The following GPHN variants were observed in gnomAD, a reference collection of about 807,000 sequenced individuals.
The protein encoded by GPHN is gephyrin.
In GPHN, 17 loss-of-function variants were observed where a neutral mutation model predicts 95.5. The ratio of observed to expected loss-of-function variants is 0.18; its 90% CI spans 0.12 to 0.27. The LOEUF is 0.27. GPHN is among the 10% of genes least tolerant of loss of function. The probability of loss-of-function intolerance (pLI) is 1.00; values close to 1 mark genes in which losing one functional copy is unlikely to be tolerated. For synonymous variants in GPHN, 320 were observed against 322.5 expected, an observed-to-expected ratio of 0.99 and a Z score of 0.08; for missense variants, 660 against 978.1, an observed-to-expected ratio of 0.67 and a Z score of 4.34.
the GPHN span, chr14:67,581,059 G>A: frequency 6.6e-7 from 1 of 1,511,430 alleles, no homozygotes; most frequent in South Asian, 1.1e-5. Flanking sequence ...CTGCACGAGG[G>A]TGGGGCCAAA....
intron 4 of GPHN, among the ~76,000 whole-genome samples, chr14:66,869,006 A>T (rs550620491): frequency 6.6e-6 from 1 of 152,222 alleles, no homozygotes; most frequent in Non-Finnish European, 1.5e-5. Context: ...AGAATAGCTA[A>T]GTCCAATTAA....
chr14:67,684,162 C>G, the GPHN span, among the ~76,000 whole-genome samples: 1 of 152,196 alleles, frequency 6.6e-6, no homozygotes, highest in Admixed American at 6.5e-5. Flanking sequence ...TCTACTGAAA[C>G]AACTCTGGGG....
Position 66,521,804 on chromosome 14 carries a change from C to T in GPHN, c.64+13213C>T, listed in dbSNP as rs549112079. 1.2e-4 allele frequency among the ~76,000 whole-genome samples: 18 copies of T among 152,136 alleles called. No homozygotes were observed. In the South Asian group the frequency reaches 3.3e-3, roughly 28 times the overall value. ...CTGGTTTCAACATTTTGGAGGGGGA[C>T]GCACACATTCAGACCACAGCAGAGG... On this transcript the variant is annotated intron_variant, in intron 1 of 22. Coordinates refer to ENST00000478722, the MANE Select transcript of GPHN (RefSeq NM_020806.5).
At chr14:66,886,909 A>G (rs1228974658) in intron 5 of GPHN, among the ~76,000 whole-genome samples, 1 of 152,194 alleles carries the variant, frequency 6.6e-6, no homozygotes, top group Admixed American at 6.5e-5. Flanking sequence ...TTCAGTGCAG[A>G]CAACTATGAG....
At chr14:67,452,914 C>T in the GPHN span, among the ~76,000 whole-genome samples, 4 of 152,190 alleles carry the variant, frequency 2.6e-5, no homozygotes, top group Admixed American at 6.5e-5. Context: ...GATCCTGAAA[C>T]CTGAGCTTTT....
At chr14:66,841,887 A>G (rs1247082986) in intron 4 of GPHN, among the ~76,000 whole-genome samples, 1 of 152,004 alleles carries the variant, frequency 6.6e-6, no homozygotes, top group Non-Finnish European at 1.5e-5. Context: ...GTAAAAAAGA[A>G]AAGAAAAGAA....
chr14:67,694,127 T>C, the GPHN span, among the ~76,000 whole-genome samples: 2 of 152,178 alleles, frequency 1.3e-5, no homozygotes, highest in Non-Finnish European at 2.9e-5. Context: ...GCCTTTTTCA[T>C]TGAACTTGGA....
intron 4 of GPHN, among the ~76,000 whole-genome samples, chr14:66,851,167 C>A (rs982743219): frequency 4.6e-5 from 7 of 150,546 alleles, no homozygotes; most frequent in Admixed American, 1.3e-4. Context: ...AAAAAAAAAA[C>A]CCACAAATAG....
chr14:67,241,268 TC>T, the GPHN span: 1 of 151,950 alleles, frequency 6.6e-6, no homozygotes, highest in Admixed American at 6.6e-5. Context: ...TGCGCCAGAG[TC>T]CCGGGGGCGC....
At chr14:67,241,490 A>T in the GPHN span, 1 of 152,450 alleles carries the variant, frequency 6.6e-6, no homozygotes, top group Non-Finnish European at 1.4e-5. Flanking sequence ...TGCAGTGCGT[A>T]GGAGCGGCCG....
At chr14:67,521,277 T>G in the GPHN span, among the ~76,000 whole-genome samples, 1 of 152,254 alleles carries the variant, frequency 6.6e-6, no homozygotes, top group Non-Finnish European at 1.5e-5. Flanking sequence ...CTGTGAGCTA[T>G]GCTCAGGAAT....
chr14:66,520,948 C>T (rs1190200694), intron 1 of GPHN, among the ~76,000 whole-genome samples: 3 of 152,012 alleles, frequency 2.0e-5, no homozygotes, highest in Non-Finnish European at 4.4e-5. Flanking sequence ...GTGAGAACAT[C>T]TGGTATTTGG....
chr14:67,082,808 A>C (rs1329939903), intron 11 of GPHN, among the ~76,000 whole-genome samples: 4 of 152,194 alleles, frequency 2.6e-5, no homozygotes, highest in Non-Finnish European at 5.9e-5. Flanking sequence ...TTTTCCAAAA[A>C]TACATCATTT....
chr14:67,067,769 G>C (rs1282855697), intron 11 of GPHN, among the ~76,000 whole-genome samples: 1 of 152,240 alleles, frequency 6.6e-6, no homozygotes, highest in Admixed American at 6.5e-5. Flanking sequence ...CCAGGCATGG[G>C]AGAGAATCTC....
the GPHN span, chr14:67,201,445 G>A: frequency 2.2e-6 from 1 of 455,946 alleles, no homozygotes; most frequent in South Asian, 1.5e-5. Flanking sequence ...CTCCCCTCAG[G>A]GCCTCACATC....
chr14:66,622,706 C>T (rs1048968491), intron 1 of GPHN, among the ~76,000 whole-genome samples: 2 of 152,162 alleles, frequency 1.3e-5, no homozygotes, highest in Non-Finnish European at 2.9e-5. Context: ...CAAAAAGCTG[C>T]CAGTCTCTTT....
At chr14:67,001,460 T>C (rs2072222429) in intron 9 of GPHN, among the ~76,000 whole-genome samples, 1 of 151,646 alleles carries the variant, frequency 6.6e-6, no homozygotes, top group Non-Finnish European at 1.5e-5. Context: ...TGAATGTCTT[T>C]TTGTAATATC....
chr14:67,182,208 C>T (rs56343227), downstream of GPHN, among the ~76,000 whole-genome samples: 2,584 of 152,112 alleles, frequency 0.017, 84 homozygotes, highest in African/African-American at 0.059. Flanking sequence ...ATGAGCGCCT[C>T]GAAATTTTTA....
the GPHN span, chr14:67,642,197 A>T: frequency 6.2e-7 from 1 of 1,613,856 alleles, no homozygotes; most frequent in Non-Finnish European, 8.5e-7. Context: ...CTGCCACCTA[A>T]AAGACTTTGG....
Sources: gnomAD v4.1 joint callset for allele counts (sites outside exome capture counted in the v4.1 genomes callset) on GRCh38, gnomAD v4.1.1 for gene constraint, MANE v1.5 for transcripts, NCBI Gene and HGNC (gene_info 2026-07-23, HGNC 2026-07-21) for gene names.